The following PCDHGB6 variants were observed in gnomAD, a reference collection of about 807,000 sequenced individuals.
PCDHGB6 encodes the protein protocadherin gamma subfamily B, 6, also known as protocadherin gamma-B6.
Under a neutral mutation model 59.1 loss-of-function variants are expected in PCDHGB6, and 51 were observed. The ratio of observed to expected loss-of-function variants is 0.86; its 90% CI spans 0.69 to 1.09. The LOEUF is 1.09. Among genes scored for constraint, PCDHGB6 ranks in the 50% least tolerant of loss-of-function variants. PCDHGB6 has a pLI of 0.00. For missense variants in PCDHGB6, 1,148 were observed against 1,205.1 expected, an observed-to-expected ratio of 0.95 and a Z score of 0.70; for synonymous variants, 466 against 495.1, an observed-to-expected ratio of 0.94 and a Z score of 0.78.
chr5:141,485,734 C>T lies in PCDHGB6; in HGVS notation c.2419-9073C>T. ...CACTGGATGTGAAGAAGCGCAGCGACGGCAGCCTGGTCCCAGAGCTGCTCC... is the reference window on the plus strand; with the variant it reads ...CACTGGATGTGAAGAAGCGCAGCGATGGCAGCCTGGTCCCAGAGCTGCTCC... On this transcript the variant is annotated intron_variant, in intron 1 of 3. Transcript: ENST00000520790. This position sits in a 1 kb window ranked among gnomAD's most constrained non-coding sequence, Gnocchi z 5.7. The T allele has an allele frequency of 6.2e-7, 1 of 1,614,210 alleles. No individual in the cohort carries two copies. The highest frequency in any genetic ancestry group is 8.5e-7 in the Non-Finnish European group (1 of 1,180,028).
At chr5:141,418,743 A>G in intron 1 of PCDHGB6, 5 of 1,613,954 alleles carry the variant, frequency 3.1e-6, no homozygotes, top group African/African-American at 1.3e-5. Context: ...TTCTCTCTGG[A>G]TTACACTACA....
At chr5:141,433,235 C>T (rs1307904588) in intron 1 of PCDHGB6, 13 of 1,509,616 alleles carry the variant, frequency 8.6e-6, no homozygotes, top group Non-Finnish European at 1.1e-5. Context: ...GCTCTGTCTC[C>T]CAAGCTGGAA....
At chr5:141,507,178 G>A (rs548016031) in intron 3 of PCDHGB6, 4 of 152,350 alleles carry the variant, frequency 2.6e-5, no homozygotes, top group East Asian at 3.9e-4. Flanking sequence ...CCTCTTCCTC[G>A]AGCTCTGCTT....
In PCDHGB6 at chr5:141,432,598, G is replaced by A; in HGVS notation, c.2418+21978G>A. The A allele has an allele frequency of 6.2e-7, 1 of 1,613,920 alleles. No individual in the cohort carries two copies. The highest frequency in any genetic ancestry group is 8.5e-7 in the Non-Finnish European group (1 of 1,179,972). On this transcript the variant is annotated intron_variant, in intron 1 of 3. Transcript: ENST00000520790. The surrounding 1 kb of genome is among the most constrained non-coding windows in gnomAD (Gnocchi z 6.0). ...CCTACCGTCTGCTCAAGGCCAGCGA[G>A]CCGGGACTCTTCTCGGTGGGTCTGC...
intron 1 of PCDHGB6, among the ~76,000 whole-genome samples, chr5:141,469,864 C>T (rs963843852): frequency 6.6e-6 from 1 of 152,218 alleles, no homozygotes; most frequent in African/African-American, 2.4e-5. Flanking sequence ...GGTGCAATGG[C>T]TCACGCCTGT....
chr5:141,460,027 G>A (rs1002703325), intron 1 of PCDHGB6, among the ~76,000 whole-genome samples: 3 of 152,088 alleles, frequency 2.0e-5, no homozygotes, highest in East Asian at 1.9e-4. Flanking sequence ...GCAGTGAGCC[G>A]AGACTGCACC....
chr5:141,490,454 CG>C lies in PCDHGB6; in HGVS notation c.2419-4352del. ...ATTAAGCCTTCTGAGAACCACTACT[CG>C]CTGCTAACCAGCCAGCCTTTGGACC... On this transcript the variant is annotated intron_variant, in intron 1 of 3. Coordinates refer to ENST00000520790, the MANE Select transcript of PCDHGB6 (RefSeq NM_018926.3). This position sits in a 1 kb window ranked among gnomAD's most constrained non-coding sequence, Gnocchi z 5.4. The C allele has an allele frequency of 1.2e-6, 2 of 1,614,176 alleles. No individual in the cohort carries two copies. Among genetic ancestry groups the C allele is most frequent in the Non-Finnish European group, 1.7e-6 (2 of 1,180,020 alleles).
chr5:141,409,042 C>A lies in PCDHGB6; in HGVS notation c.840C>A (p.Tyr280Ter). 8 of 1,614,034 alleles carry A rather than the reference C, an allele frequency of 5.0e-6. No homozygotes were observed. The highest frequency in any genetic ancestry group is 1.6e-4 in the Middle Eastern group (1 of 6,062). ...DEGVNAEINY[Y>*]FRSTAQSTKH... is the part of the protein sequence containing the mutation. ...GGGTCAATGCTGAGATAAACTACTA[C>A]TTCCGAAGCACTGCCCAGAGCACAA... Residue 280 changes from tyrosine to a stop codon, truncating the protein, a stop_gained, in exon 1 of 4, where the codon TAC becomes TAA. Transcript: ENST00000520790. LOFTEE classifies it high-confidence loss of function.
intron 1 of PCDHGB6, chr5:141,415,909 C>T: frequency 2.6e-6 from 2 of 761,032 alleles, no homozygotes; most frequent in Non-Finnish European, 3.7e-6. Context: ...GACTTCCATA[C>T]AGAAGTGCCT....
At position 141,413,701 on chromosome 5, in the gene PCDHGB6, C is replaced by T. The variant is rs764950275; in HGVS notation, c.2418+3081C>T. 1.1e-4 allele frequency: 177 copies of T among 1,613,654 alleles called. No individual in the cohort carries two copies. The Admixed American group carries it at 2.9e-3, about 27-fold the overall frequency. On this transcript the variant is annotated intron_variant, in intron 1 of 3. Coordinates refer to ENST00000520790, the MANE Select transcript of PCDHGB6 (RefSeq NM_018926.3). ...CGTGAACTCCCTGCAGAGCTATCAG[C>T]TCAGCCCCAATAAGCACTTCTCCCT...
intron 1 of PCDHGB6, chr5:141,478,790 C>T: frequency 6.8e-7 from 1 of 1,472,906 alleles, no homozygotes. Flanking sequence ...AATTCACATC[C>T]TCAGCACTCT....
intron 1 of PCDHGB6, chr5:141,410,849 CTT>C (rs759346998): frequency 0.032 from 4,298 of 136,266 alleles, no homozygotes; most frequent in South Asian, 0.069. Flanking sequence ...TTGTCTTTGT[CTT>C]TTTTTTTTTT....
intron 1 of PCDHGB6, chr5:141,414,585 C>CA: frequency 6.2e-7 from 1 of 1,613,968 alleles, no homozygotes; most frequent in East Asian, 2.2e-5. Flanking sequence ...AGAACAACGC[C>CA]AGGGGTGCCT....
chr5:141,510,862 C>CATTCA, intron 3 of PCDHGB6, 85 bp from the exon 4 acceptor site: 1 of 1,606,772 alleles, frequency 6.2e-7, no homozygotes, highest in South Asian at 1.1e-5. Flanking sequence ...GCTGTATAGG[C>CATTCA]ATTCATTAAC....
At chr5:141,505,344 AGCT>A in intron 2 of PCDHGB6, 46 bp from the exon 3 acceptor site, 1 of 1,613,046 alleles carries the variant, frequency 6.2e-7, no homozygotes, top group South Asian at 1.1e-5. Flanking sequence ...GAGGGGCATG[AGCT>A]GTGCCGGCCT....
chr5:141,487,275 G>T lies in PCDHGB6; in HGVS notation c.2419-7532G>T, dbSNP rs747253888. 2.5e-6 allele frequency: 4 copies of T among 1,614,158 alleles called. No homozygotes were observed. The highest frequency in any genetic ancestry group is 1.1e-5 in the South Asian group (1 of 91,074). On this transcript the variant is annotated intron_variant, in intron 1 of 3. Coordinates refer to ENST00000520790, the MANE Select transcript of PCDHGB6 (RefSeq NM_018926.3). The surrounding 1 kb of genome is among the most constrained non-coding windows in gnomAD (Gnocchi z 5.0). ...TTGGCTGTGTCCCTAGTGGCAATTT[G>T]CTTTGTCTCCTTTGGCTCATTCGTG...
chr5:141,433,987 T>C (rs1332689630), intron 1 of PCDHGB6, among the ~76,000 whole-genome samples: 1 of 152,252 alleles, frequency 6.6e-6, no homozygotes, highest in Non-Finnish European at 1.5e-5. Context: ...GAAGAAGAGT[T>C]TTATATTCTC....
At position 141,477,213 on chromosome 5, in the gene PCDHGB6, C is replaced by G; in HGVS notation, c.2419-17594C>G. ...TACAGCCCAGTACCCGAGGATGCCC[C>G]TCTGGGGACTGTCATCGCTTTGCTC... is the stretch of plus-strand genomic sequence containing the variant. On this transcript the variant is annotated intron_variant, in intron 1 of 3. Coordinates refer to ENST00000520790, the MANE Select transcript of PCDHGB6 (RefSeq NM_018926.3). The surrounding 1 kb of genome is among the most constrained non-coding windows in gnomAD (Gnocchi z 4.9). 6.2e-7 allele frequency: 1 copy of G among 1,614,184 alleles called. No individual in the cohort carries two copies.
chr5:141,439,056 T>C (rs2098084461), intron 1 of PCDHGB6, among the ~76,000 whole-genome samples: 1 of 151,260 alleles, frequency 6.6e-6, no homozygotes, highest in Non-Finnish European at 1.5e-5. Flanking sequence ...TTCCATATTG[T>C]GTGGCAGGCG....
Sources: gnomAD v4.1 joint callset for allele counts (sites outside exome capture counted in the v4.1 genomes callset) on GRCh38, gnomAD v4.1.1 for gene constraint, Gnocchi (gnomAD v3.1) non-coding constraint, MANE v1.5 for transcripts, NCBI Gene and HGNC (gene_info 2026-07-23, HGNC 2026-07-21) for gene names.